Variants in ELMO1 observed in about 807,000 individuals in gnomAD.
ELMO1 encodes the protein engulfment and cell motility 1.
In ELMO1, 26 loss-of-function variants were observed where a neutral mutation model predicts 98.9. That is an observed-to-expected ratio of 0.26 (90% CI 0.19 to 0.36). ELMO1 has a LOEUF of 0.36. ELMO1 is among the 10% of genes least tolerant of loss of function. The pLI, the probability that ELMO1 is intolerant of heterozygous loss-of-function variation, is 1.00. For missense variants in ELMO1, 627 were observed against 935.2 expected (o/e 0.67, Z 4.30); for synonymous variants, 346 against 346.0 (o/e 1.00, Z 0.00).
intron 2 of ELMO1, among the ~76,000 whole-genome samples, chr7:37,327,271 G>A (rs1418142728): frequency 1.3e-5 from 2 of 152,202 alleles, no homozygotes; most frequent in African/African-American, 4.8e-5. Flanking sequence ...TCACCCATGT[G>A]AAATAATTCA....
intron 16 of ELMO1, among the ~76,000 whole-genome samples, chr7:36,934,821 A>C (rs149353018): frequency 1.4e-4 from 22 of 152,346 alleles, no homozygotes; most frequent in Non-Finnish European, 2.6e-4. Flanking sequence ...GAAGGAGTTC[A>C]ACTCCAGGTT....
intron 5 of ELMO1, among the ~76,000 whole-genome samples, chr7:37,261,952 G>A (rs1265902707): frequency 2.0e-5 from 3 of 152,158 alleles, no homozygotes; most frequent in African/African-American, 4.8e-5. Context: ...AACACAAGGA[G>A]GCCCTCCTGG....
At chr7:37,292,637 G>A (rs1228246221) in intron 4 of ELMO1, among the ~76,000 whole-genome samples, 30 of 111,650 alleles carry the variant, frequency 2.7e-4, no homozygotes, top group African/African-American at 4.5e-4. Context: ...CTGCCTGGAC[G>A]CCCCGTCTGA....
chr7:37,146,617 A>T (rs1207505892), intron 13 of ELMO1, among the ~76,000 whole-genome samples: 1 of 152,194 alleles, frequency 6.6e-6, no homozygotes, highest in Non-Finnish European at 1.5e-5. Flanking sequence ...AACATGGACC[A>T]GTGTCCCAAA....
chr7:37,313,279 C>T (rs757419693), intron 4 of ELMO1, among the ~76,000 whole-genome samples: 17 of 152,146 alleles, frequency 1.1e-4, no homozygotes, highest in Non-Finnish European at 2.1e-4. Flanking sequence ...GGCTGGAGTG[C>T]AGTGGCACGA....
intron 16 of ELMO1, chr7:36,985,053 C>T (rs979795534): frequency 1.3e-4 from 128 of 985,272 alleles, no homozygotes; most frequent in Non-Finnish European, 1.5e-4. Flanking sequence ...CCCCACGCTG[C>T]CCCTCCATTG....
chr7:37,069,257 T>A (rs1797145425), intron 15 of ELMO1, among the ~76,000 whole-genome samples: 1 of 152,106 alleles, frequency 6.6e-6, no homozygotes, highest in Non-Finnish European at 1.5e-5. Context: ...ATTAAAAAAA[T>A]GTGCTTTATC....
At chr7:36,935,673 C>CA (rs1242991922) in intron 16 of ELMO1, among the ~76,000 whole-genome samples, 1 of 152,184 alleles carries the variant, frequency 6.6e-6, no homozygotes, top group Non-Finnish European at 1.5e-5. Context: ...AAGGGGCACA[C>CA]ACATTTTGAG....
intron 14 of ELMO1, among the ~76,000 whole-genome samples, chr7:37,126,653 A>G (rs1786542369): frequency 6.6e-6 from 1 of 152,226 alleles, no homozygotes; most frequent in Non-Finnish European, 1.5e-5. Context: ...GAAACAAGGA[A>G]ACTCTCAAGT....
In ELMO1 at chr7:36,928,091, G is replaced by A. The variant is rs184202165; in HGVS notation, c.1438-33074C>T. On this transcript the variant is annotated intron_variant, in intron 16 of 21. Coordinates refer to ENST00000310758, the MANE Select transcript of ELMO1 (RefSeq NM_014800.11). ...TAAAAGGCAAATGAGAGAAAAAGAA[G>A]ATTCAAAAGTTTTATTTATTTATTT... is the stretch of plus-strand genomic sequence containing the variant. 3.3e-5 allele frequency among the ~76,000 whole-genome samples: 5 copies of A among 152,284 alleles called. No homozygotes were observed. In the East Asian group the frequency reaches 9.6e-4, roughly 29 times the overall value.
chr7:36,968,795 C>T (rs188683363), intron 16 of ELMO1, among the ~76,000 whole-genome samples: 7 of 151,496 alleles, frequency 4.6e-5, no homozygotes, highest in Admixed American at 4.6e-4. Flanking sequence ...TCTTTGGGTG[C>T]TTTTGTTGTT....
At chr7:36,865,186 CCATTTTGCTAG>C (rs1802942848) in intron 20 of ELMO1, among the ~76,000 whole-genome samples, 1 of 152,166 alleles carries the variant, frequency 6.6e-6, no homozygotes, top group South Asian at 2.1e-4. Context: ...CCACATATGG[CCATTTTGCTAG>C]CATTCACTTA....
At chr7:36,941,905 CA>C (rs1295103282) in intron 16 of ELMO1, among the ~76,000 whole-genome samples, 1 of 152,228 alleles carries the variant, frequency 6.6e-6, no homozygotes, top group Non-Finnish European at 1.5e-5. Flanking sequence ...TCAGATCACA[CA>C]CCTGGGAAGT....
intron 15 of ELMO1, among the ~76,000 whole-genome samples, chr7:37,089,253 G>A (rs891040735): frequency 3.3e-5 from 5 of 152,000 alleles, no homozygotes; most frequent in Non-Finnish European, 5.9e-5. Flanking sequence ...TGCTCCACTC[G>A]GCACCACTGG....
chr7:37,168,458 C>T (rs970852264), intron 13 of ELMO1, among the ~76,000 whole-genome samples: 1 of 152,072 alleles, frequency 6.6e-6, no homozygotes, highest in Non-Finnish European at 1.5e-5. Context: ...TTTTCCCCAT[C>T]TTTGTGGTTT....
chr7:37,084,439 G>A (rs1783652457), intron 15 of ELMO1, among the ~76,000 whole-genome samples: 1 of 152,170 alleles, frequency 6.6e-6, no homozygotes, highest in Non-Finnish European at 1.5e-5. Flanking sequence ...TTCACTAAGA[G>A]TCTAGTCCTC....
chr7:36,931,530 G>A (rs528635242), intron 16 of ELMO1, among the ~76,000 whole-genome samples: 1 of 152,320 alleles, frequency 6.6e-6, no homozygotes, highest in South Asian at 2.1e-4. Flanking sequence ...GAACCCGGGA[G>A]GCGGAGGTTG....
At chr7:36,891,272 A>G (rs1321537089) in intron 17 of ELMO1, among the ~76,000 whole-genome samples, 1 of 152,230 alleles carries the variant, frequency 6.6e-6, no homozygotes, top group Non-Finnish European at 1.5e-5. Context: ...GCCAACACAT[A>G]GAATAGTGTC....
intron 3 of ELMO1, among the ~76,000 whole-genome samples, chr7:37,315,181 T>C (rs1351755637): frequency 6.6e-6 from 1 of 152,184 alleles, no homozygotes; most frequent in African/African-American, 2.4e-5. Flanking sequence ...CAAGGCTTGG[T>C]GTGGGAGATT....
Sources: gnomAD v4.1 joint callset for allele counts (sites outside exome capture counted in the v4.1 genomes callset) on GRCh38, gnomAD v4.1.1 for gene constraint, MANE v1.5 for transcripts, NCBI Gene and HGNC (gene_info 2026-07-23, HGNC 2026-07-21) for gene names.